The following CEP63 variants were observed in gnomAD, a reference collection of about 807,000 sequenced individuals.
CEP63 encodes the protein centrosomal protein 63, also known as centrosomal protein of 63 kDa.
A neutral mutation model predicts 89.1 loss-of-function variants in CEP63; 84 were observed. The ratio of observed to expected loss-of-function variants is 0.94; its 90% CI spans 0.79 to 1.13. The LOEUF (loss-of-function observed/expected upper bound fraction) is 1.13, where lower values mean the gene tolerates loss of function less well. CEP63 is among the 50% of genes most tolerant of loss of function. The pLI, the probability that CEP63 is intolerant of heterozygous loss-of-function variation, is 0.00. For synonymous variants in CEP63, 267 were observed against 272.5 expected (o/e 0.98, Z 0.20); for missense variants, 838 against 813.3 (o/e 1.03, Z -0.37).
At chr3:134,734,426 T>G in the CEP63 span, among the ~76,000 whole-genome samples, 1 of 152,170 alleles carries the variant, frequency 6.6e-6, no homozygotes, top group Non-Finnish European at 1.5e-5. Context: ...ATGACAAAAT[T>G]AAACGTTGTT....
the CEP63 span, among the ~76,000 whole-genome samples, chr3:134,694,153 T>G: frequency 3.3e-5 from 5 of 152,172 alleles, no homozygotes; most frequent in African/African-American, 9.7e-5. Context: ...GGGCTCTCAA[T>G]GGCCCCTTGA....
the CEP63 span, among the ~76,000 whole-genome samples, chr3:134,711,010 G>A: frequency 6.6e-6 from 1 of 152,072 alleles, no homozygotes; most frequent in Non-Finnish European, 1.5e-5. Context: ...TTGAGCCACT[G>A]TGCCCGGCCT....
chr3:134,715,364 C>A, the CEP63 span, among the ~76,000 whole-genome samples: 5,095 of 151,446 alleles, frequency 0.034, 274 homozygotes, highest in African/African-American at 0.12. Flanking sequence ...AGTCACCTAG[C>A]GATGAATTGC....
At chr3:134,603,698 C>T in the CEP63 span, 2 of 1,613,928 alleles carry the variant, frequency 1.2e-6, no homozygotes, top group Non-Finnish European at 1.7e-6. Flanking sequence ...TCCCAGTAGC[C>T]CTCGTGGTTC....
chr3:134,492,119 G>T (rs1434382273), intron 1 of CEP63, among the ~76,000 whole-genome samples: 1 of 141,340 alleles, frequency 7.1e-6, no homozygotes, highest in Non-Finnish European at 1.5e-5. Context: ...TGTCGCCCAG[G>T]CTGGAGTGCA....
chr3:134,774,366 G>A, the CEP63 span, among the ~76,000 whole-genome samples: 1 of 152,104 alleles, frequency 6.6e-6, no homozygotes, highest in African/African-American at 2.4e-5. Context: ...CAATACAATG[G>A]CATACCATGA....
At chr3:134,573,609 T>C (rs1166572787) in intron 11 of CEP63, among the ~76,000 whole-genome samples, 1 of 152,206 alleles carries the variant, frequency 6.6e-6, no homozygotes, top group Non-Finnish European at 1.5e-5. Context: ...CATTGGTCTA[T>C]GTGTCTGTTT....
intron 10 of CEP63, among the ~76,000 whole-genome samples, chr3:134,583,551 G>A (rs999576579): frequency 1.3e-5 from 2 of 151,954 alleles, no homozygotes; most frequent in Non-Finnish European, 2.9e-5. Context: ...ATCTGTTTTG[G>A]TACCAGTACC....
rs1228440204 is a variant in CEP63, at chr3:134,564,910, C to G, written c.*3375C>G. On this transcript the variant is annotated 3_prime_UTR_variant, in exon 15 of 15. Coordinates refer to ENST00000675561, the MANE Select transcript of CEP63 (RefSeq NM_001353108.3). The stretch of plus-strand genomic sequence containing the variant: ...CCTTAAATTATACTGTTTTTTAAAG[C>G]TGAAGTATCTAATAGTTAATGGGTT... 1.0e-6 allele frequency: 1 copy of G among 983,582 alleles called. No individual in the cohort carries two copies. Among genetic ancestry groups the G allele is most frequent in the African/African-American group, 1.7e-5 (1 of 57,200 alleles). The allele number at this position is 983,582 out of a possible 1,614,324, so 60.9% of individuals were successfully genotyped here. A position where few individuals can be genotyped will look rare whatever the true frequency, so the allele number is the denominator to read the frequency against.
chr3:134,710,521 T>A, the CEP63 span, among the ~76,000 whole-genome samples: 1 of 152,188 alleles, frequency 6.6e-6, no homozygotes, highest in South Asian at 2.1e-4. Flanking sequence ...AACACGAGCA[T>A]AGTTGAACAA....
chr3:134,629,902 C>T, the CEP63 span, among the ~76,000 whole-genome samples: 2 of 152,214 alleles, frequency 1.3e-5, no homozygotes, highest in Non-Finnish European at 2.9e-5. Context: ...AAAGCACACT[C>T]AGCCCTGTCT....
chr3:134,677,624 C>T, the CEP63 span, among the ~76,000 whole-genome samples: 1 of 152,136 alleles, frequency 6.6e-6, no homozygotes, highest in African/African-American at 2.4e-5. Context: ...CTGGCTAGGG[C>T]TAGGGTTAGG....
At chr3:134,726,938 A>C in the CEP63 span, among the ~76,000 whole-genome samples, 1 of 151,840 alleles carries the variant, frequency 6.6e-6, no homozygotes, top group African/African-American at 2.4e-5. Flanking sequence ...TTATTTTTTA[A>C]AAGCTACTTT....
the CEP63 span, among the ~76,000 whole-genome samples, chr3:134,723,325 G>A: frequency 5.9e-5 from 9 of 152,170 alleles, no homozygotes; most frequent in African/African-American, 2.2e-4. Flanking sequence ...AGCCTTAAGA[G>A]ATTTCACCTG....
At chr3:134,626,676 G>A in the CEP63 span, among the ~76,000 whole-genome samples, 2 of 152,198 alleles carry the variant, frequency 1.3e-5, no homozygotes, top group South Asian at 2.1e-4. Context: ...CTCTAGACCT[G>A]GCTCCAGCCC....
At chr3:134,669,101 C>T in the CEP63 span, among the ~76,000 whole-genome samples, 11 of 152,118 alleles carry the variant, frequency 7.2e-5, no homozygotes, top group African/African-American at 1.9e-4. Context: ...TCACTGCTCA[C>T]GGCAGCCTTG....
At chr3:134,577,653 T>A (rs912812640), downstream of CEP63, among the ~76,000 whole-genome samples, 5 of 152,036 alleles carry the variant, frequency 3.3e-5, no homozygotes, top group African/African-American at 1.2e-4. Context: ...GTGCAGAATG[T>A]GCAGGTTTGT....
Position 134,532,784 on chromosome 3 carries a change from A to C in CEP63, c.325A>C (p.Ile109Leu), listed in dbSNP as rs766200427. Reference sequence around the variant, plus strand: ...GAAATAACTGTTTCTACAGTTATGCATACTGAAGAGAAGCTATGAAAAGCT... The same window carrying C: ...GAAATAACTGTTTCTACAGTTATGCCTACTGAAGAGAAGCTATGAAAAGCT... ...ELKKLHEELC[I>L]LKRSYEKLQK... Residue 109 changes from isoleucine to leucine, a missense_variant, in exon 5 of 15, where the codon ATA (isoleucine) becomes CTA (leucine). Ile to Leu is a conservative substitution (Grantham distance 5, BLOSUM62 2). Coordinates refer to ENST00000675561, the MANE Select transcript of CEP63 (RefSeq NM_001353108.3). 1.2e-6 allele frequency: 2 copies of C among 1,601,008 alleles called. No individual in the cohort carries two copies. The highest frequency in any genetic ancestry group is 1.7e-6 in the Non-Finnish European group (2 of 1,168,796).
chr3:134,501,303 T>G (rs1941930387), intron 2 of CEP63, among the ~76,000 whole-genome samples: 1 of 152,196 alleles, frequency 6.6e-6, no homozygotes, highest in South Asian at 2.1e-4. Context: ...TAGGGTTGCT[T>G]TGGCTATTTG....
Sources: gnomAD v4.1 joint callset for allele counts (sites outside exome capture counted in the v4.1 genomes callset) on GRCh38, gnomAD v4.1.1 for gene constraint, MANE v1.5 for transcripts, NCBI Gene and HGNC (gene_info 2026-07-23, HGNC 2026-07-21) for gene names.